The following ZNF487 variants were observed in gnomAD, a reference collection of about 807,000 sequenced individuals.
ZNF487 encodes the protein zinc finger protein 487.
Under a neutral mutation model 3.0 loss-of-function variants are expected in ZNF487, and 4 were observed. That is an observed-to-expected ratio of 1.35 (90% CI 0.66 to 3.08). The LOEUF is 3.08. Ranked by LOEUF, ZNF487 falls within the 30% of genes most tolerant of loss-of-function variation. The pLI is 0.01. For synonymous variants in ZNF487, 55 were observed against 34.6 expected (o/e 1.59, Z -2.06); for missense variants, 146 against 98.7 (o/e 1.48, Z -2.03).
Position 43,467,509 on chromosome 10 carries a change from T to A in ZNF487, c.-93-8212T>A, listed in dbSNP as rs1324341736. 5.9e-5 allele frequency among the ~76,000 whole-genome samples: 9 copies of A among 151,968 alleles called. No homozygotes were observed. The East Asian group carries it at 1.6e-3, about 26-fold the overall frequency. On this transcript the variant is annotated intron_variant, in intron 1 of 3. Coordinates refer to ENST00000437590, the MANE Select transcript of ZNF487 (RefSeq NM_001355444.3). ...TGAGCCACTGCGCCCGACCTTCAAC[T>A]TTTATTGTTTAAGAAATAAATTTGT...
At chr10:43,511,967 A>G in the ZNF487 span, among the ~76,000 whole-genome samples, 2 of 152,144 alleles carry the variant, frequency 1.3e-5, no homozygotes, top group African/African-American at 4.8e-5. Context: ...CATCCAGCCA[A>G]ACCATTGGCT....
chr10:43,477,804 T>G (rs979911096), intron 3 of ZNF487, among the ~76,000 whole-genome samples: 1 of 151,572 alleles, frequency 6.6e-6, no homozygotes, highest in Non-Finnish European at 1.5e-5. Flanking sequence ...GTACAAAAAT[T>G]AGCCGGGTGT....
At chr10:43,480,042 T>TC (rs1841286627) in intron 3 of ZNF487, among the ~76,000 whole-genome samples, 1 of 36,690 alleles carries the variant, frequency 2.7e-5, no homozygotes, top group African/African-American at 5.3e-5. Flanking sequence ...TTTCTTTCTT[T>TC]CTTTTTCTTT....
At chr10:43,501,809 AGG>A in the ZNF487 span, among the ~76,000 whole-genome samples, 6 of 151,488 alleles carry the variant, frequency 4.0e-5, no homozygotes, top group Non-Finnish European at 8.8e-5. Flanking sequence ...CTTTCCAGAC[AGG>A]GTCTTGCTCT....
At chr10:43,445,820 C>G (rs1256431181) in intron 1 of ZNF487, among the ~76,000 whole-genome samples, 1 of 151,996 alleles carries the variant, frequency 6.6e-6, no homozygotes, top group Non-Finnish European at 1.5e-5. Context: ...GGCAGAGGAC[C>G]CTGCGGCCTT....
intron 1 of ZNF487, among the ~76,000 whole-genome samples, chr10:43,447,772 T>G (rs1328327457): frequency 1.3e-5 from 2 of 152,182 alleles, no homozygotes; most frequent in African/African-American, 4.8e-5. Context: ...TGCTGTGTTC[T>G]GTGAATTCTA....
the ZNF487 span, among the ~76,000 whole-genome samples, chr10:43,518,198 A>G: frequency 6.6e-6 from 1 of 152,218 alleles, no homozygotes; most frequent in African/African-American, 2.4e-5. Context: ...CTTTCTGACC[A>G]GACATTACTG....
rs570188114 is a variant in ZNF487, at chr10:43,455,645, A to G, written c.-94+18383A>G. Among the ~76,000 whole-genome samples, 8 of 152,308 alleles carry G rather than the reference A, an allele frequency of 5.3e-5. No individual in the cohort carries two copies. In the East Asian group the frequency reaches 1.5e-3, roughly 29 times the overall value. On this transcript the variant is annotated intron_variant, in intron 1 of 3. Transcript: ENST00000437590. ...GTCCGTGGCGCGGCGCGCTTGTGGC[A>G]GCGACGGGCACTGCCGCGCATGCGC...
chr10:43,448,548 G>A (rs1839895067), intron 1 of ZNF487, among the ~76,000 whole-genome samples: 1 of 152,000 alleles, frequency 6.6e-6, no homozygotes, highest in African/African-American at 2.4e-5. Context: ...GGGTGCGGTG[G>A]CTCCTGCCTG....
At chr10:43,493,732 A>G in the ZNF487 span, among the ~76,000 whole-genome samples, 9 of 116,580 alleles carry the variant, frequency 7.7e-5, 1 homozygote, top group Admixed American at 8.8e-4. Context: ...ATATATATAT[A>G]TATATATGGC....
chr10:43,515,687 C>T, the ZNF487 span, among the ~76,000 whole-genome samples: 1 of 152,186 alleles, frequency 6.6e-6, no homozygotes, highest in Non-Finnish European at 1.5e-5. Flanking sequence ...TTCGCTCTTT[C>T]TCTACAGGAG....
At chr10:43,490,360 C>T in the ZNF487 span, among the ~76,000 whole-genome samples, 7 of 151,946 alleles carry the variant, frequency 4.6e-5, no homozygotes, top group African/African-American at 1.7e-4. Context: ...TCAAACAAAA[C>T]AAAACAAACA....
intron 1 of ZNF487, among the ~76,000 whole-genome samples, chr10:43,474,999 C>A (rs1233919608): frequency 1.3e-5 from 2 of 152,176 alleles, no homozygotes; most frequent in Admixed American, 6.5e-5. Flanking sequence ...CTCCTCCCCC[C>A]TGTACAAGGC....
the ZNF487 span, among the ~76,000 whole-genome samples, chr10:43,495,773 A>C: frequency 2.0e-5 from 3 of 152,240 alleles, no homozygotes; most frequent in Admixed American, 1.3e-4. Context: ...AACATAAGAC[A>C]GTTCCAGCAC....
intron 1 of ZNF487, among the ~76,000 whole-genome samples, chr10:43,467,100 C>CTT (rs1840732777): frequency 6.6e-6 from 1 of 152,118 alleles, no homozygotes; most frequent in African/African-American, 2.4e-5. Context: ...GTCTTGAACT[C>CTT]TTGTCCTCAA....
chr10:43,443,288 T>G (rs1462624265), intron 1 of ZNF487, among the ~76,000 whole-genome samples: 1 of 151,814 alleles, frequency 6.6e-6, no homozygotes, highest in Non-Finnish European at 1.5e-5. Flanking sequence ...GGTCTCGAAC[T>G]CCTGACCTCA....
chr10:43,495,807 C>T, the ZNF487 span, among the ~76,000 whole-genome samples: 110,604 of 152,058 alleles, frequency 0.73, 41,532 homozygotes, highest in East Asian at 0.93. Flanking sequence ...AGATTTTTTT[C>T]CCACAAATCA....
chr10:43,467,353 C>T (rs900630080), intron 1 of ZNF487, among the ~76,000 whole-genome samples: 3 of 151,552 alleles, frequency 2.0e-5, no homozygotes, highest in Non-Finnish European at 2.9e-5. Flanking sequence ...TACAGGTGCA[C>T]GCCACCACGC....
At chr10:43,466,146 C>T (rs888707709) in intron 1 of ZNF487, among the ~76,000 whole-genome samples, 34 of 63,338 alleles carry the variant, frequency 5.4e-4, no homozygotes, top group African/African-American at 2.1e-3. Context: ...CAGTACAGTC[C>T]AGCTTCGGCT....
Sources: gnomAD v4.1 joint callset for allele counts (sites outside exome capture counted in the v4.1 genomes callset) on GRCh38, gnomAD v4.1.1 for gene constraint, MANE v1.5 for transcripts, NCBI Gene and HGNC (gene_info 2026-07-23, HGNC 2026-07-21) for gene names.